The following SORL1 variants were observed in gnomAD, a reference collection of about 807,000 sequenced individuals.
SORL1 encodes sortilin related receptor 1.
Under a neutral mutation model 273.7 loss-of-function variants are expected in SORL1, and 127 were observed. That is an observed-to-expected ratio of 0.46 (90% CI 0.40 to 0.54). SORL1 has a LOEUF of 0.54. Ranked by LOEUF, SORL1 falls within the 20% of genes least tolerant of loss-of-function variation. The pLI is 0.00. For synonymous variants in SORL1, 1,031 were observed against 1,067.4 expected, an observed-to-expected ratio of 0.97 and a Z score of 0.66; for missense variants, 2,494 against 2,846.1, an observed-to-expected ratio of 0.88 and a Z score of 2.81.
chr11:121,588,007 G>A lies in SORL1; in HGVS notation c.3815-13G>A, dbSNP rs1437504109. 6.2e-7 allele frequency: 1 copy of A among 1,612,144 alleles called. No homozygotes were observed. Among genetic ancestry groups the A allele is most frequent in the Non-Finnish European group, 8.5e-7 (1 of 1,178,838 alleles). ...GTGCTCATGGCCTCTTCCCTTCTCT[G>A]GATCCCTTACAGAGCCCCTCTGTAC... On this transcript the variant is annotated splice_polypyrimidine_tract_variant and intron_variant, in intron 27 of 47. Transcript: ENST00000260197.
At chr11:121,598,530 G>A (rs2086542263) in intron 32 of SORL1, among the ~76,000 whole-genome samples, 1 of 152,176 alleles carries the variant, frequency 6.6e-6, no homozygotes, top group Non-Finnish European at 1.5e-5. Flanking sequence ...CTGAAAAGGG[G>A]AGGTCAGAAA....
At chr11:121,558,446 G>T in intron 19 of SORL1, 145 bp from the exon 20 acceptor site, 1 of 772,950 alleles carries the variant, frequency 1.3e-6, no homozygotes, top group South Asian at 1.7e-5. Flanking sequence ...GTAGTTTCAG[G>T]TGTTGTCATT....
chr11:121,510,036 G>T (rs1410736962), intron 6 of SORL1, among the ~76,000 whole-genome samples: 1 of 152,124 alleles, frequency 6.6e-6, no homozygotes, highest in Non-Finnish European at 1.5e-5. Context: ...TTCTGAAAAA[G>T]TAATAAATAC....
At chr11:121,515,212 A>G (rs1346623581) in intron 8 of SORL1, among the ~76,000 whole-genome samples, 1 of 152,256 alleles carries the variant, frequency 6.6e-6, no homozygotes, top group East Asian at 1.9e-4. Flanking sequence ...GCAATAAAAT[A>G]TCAGAACAAA....
chr11:121,463,613 T>C (rs1462141365), intron 1 of SORL1, among the ~76,000 whole-genome samples: 1 of 151,590 alleles, frequency 6.6e-6, no homozygotes, highest in Non-Finnish European at 1.5e-5. Flanking sequence ...TAAGTTCTAG[T>C]CCAAGGTTAT....
intron 26 of SORL1, 143 bp from the exon 27 acceptor site, chr11:121,586,079 G>A (rs1863100635): frequency 3.0e-6 from 2 of 661,746 alleles, no homozygotes; most frequent in African/African-American, 1.7e-5. Context: ...GGGTCAAAGT[G>A]TGTATACATT....
chr11:121,456,689 TC>T (rs1195654262), intron 1 of SORL1, among the ~76,000 whole-genome samples: 3 of 152,184 alleles, frequency 2.0e-5, no homozygotes, highest in Admixed American at 6.5e-5. Flanking sequence ...TGGGGAAAAA[TC>T]CTTTGGAATA....
intron 2 of SORL1, among the ~76,000 whole-genome samples, chr11:121,476,108 C>T (rs1030590294): frequency 1.3e-5 from 2 of 152,132 alleles, no homozygotes; most frequent in African/African-American, 4.8e-5. Flanking sequence ...GGGGGGTTAT[C>T]AAATTATGGG....
Position 121,583,278 on chromosome 11 carries a change from G to A in SORL1, c.3581-180G>A, listed in dbSNP as rs576509768. Among the ~76,000 whole-genome samples, 6 of 152,280 alleles carry A rather than the reference G, an allele frequency of 3.9e-5. No homozygotes were observed. The South Asian group carries it at 8.3e-4, about 21-fold the overall frequency. ...ATAAATCCATAGGCTCAAGTCCACC[G>A]AGGGAGCTGCCCAAGGTCAGCCCAA... On this transcript the variant is annotated intron_variant, in intron 25 of 47. Coordinates refer to ENST00000260197, the MANE Select transcript of SORL1 (RefSeq NM_003105.6).
In SORL1 at chr11:121,458,323, T is replaced by C. The variant is rs987085743; in HGVS notation, c.285+5707T>C. On this transcript the variant is annotated intron_variant, in intron 1 of 47. Transcript: ENST00000260197. ...TTAGAATTTGCGACAATAATTCAGA[T>C]GCAGATAATTGAGAGTTGATAAAAA... 5.3e-5 allele frequency among the ~76,000 whole-genome samples: 8 copies of C among 152,214 alleles called. 1 individual carries two copies. Among genetic ancestry groups the C allele is most frequent in the Admixed American group, 3.9e-4 (6 of 15,278 alleles).
intron 5 of SORL1, among the ~76,000 whole-genome samples, chr11:121,496,569 A>G (rs1861631983): frequency 6.6e-6 from 1 of 152,198 alleles, no homozygotes; most frequent in Non-Finnish European, 1.5e-5. Flanking sequence ...CTTGCTTATT[A>G]ATTTTGAAAC....
intron 6 of SORL1, among the ~76,000 whole-genome samples, chr11:121,503,303 T>A (rs974991290): frequency 6.6e-6 from 1 of 152,174 alleles, no homozygotes; most frequent in Non-Finnish European, 1.5e-5. Flanking sequence ...TTATGTAGTT[T>A]TAGTTCTTAC....
chr11:121,583,705 A>C, intron 26 of SORL1, 122 bp downstream of exon 26: 1 of 1,046,796 alleles, frequency 9.6e-7, no homozygotes, highest in Non-Finnish European at 1.3e-6. Context: ...ACACTCTGAA[A>C]CCAAATAAGC....
rs1192946466 is a variant in SORL1, at chr11:121,629,524, A to T, written c.6606A>T (p.Ile2202=). The T allele has an allele frequency of 2.5e-6, 4 of 1,591,920 alleles. No homozygotes were observed. The African/African-American group carries it at 5.4e-5, about 21-fold the overall frequency. ...LGEDDEDAPM[I]TGFSDDVPMV... The stretch of plus-strand genomic sequence containing the variant: ...AAGATGATGAAGATGCCCCTATGAT[A>T]ACTGGATTTTCAGATGACGTCCCCA... The change falls in exon 48 of 48, where the codon ATA becomes ATT. Residue 2202 remains isoleucine, a synonymous_variant. Coordinates refer to ENST00000260197, the MANE Select transcript of SORL1 (RefSeq NM_003105.6).
At chr11:121,515,794 G>A (rs890833242) in intron 8 of SORL1, among the ~76,000 whole-genome samples, 2 of 152,112 alleles carry the variant, frequency 1.3e-5, no homozygotes, top group Non-Finnish European at 2.9e-5. Flanking sequence ...TGGGATTACA[G>A]GTGTGCACCA....
chr11:121,471,491 C>T (rs1323035357), intron 2 of SORL1, among the ~76,000 whole-genome samples: 1 of 152,240 alleles, frequency 6.6e-6, no homozygotes, highest in African/African-American at 2.4e-5. Flanking sequence ...GCCCCTGCCT[C>T]AGCCTGGGGT....
chr11:121,532,748 C>T (rs1055610368), intron 12 of SORL1, among the ~76,000 whole-genome samples, 196 bp downstream of exon 12: 4 of 150,422 alleles, frequency 2.7e-5, no homozygotes, highest in African/African-American at 9.8e-5. Flanking sequence ...TACAATGGTG[C>T]GATCTCAGCT....
At chr11:121,518,718 G>C (rs1861989594) in intron 8 of SORL1, among the ~76,000 whole-genome samples, 2 of 152,146 alleles carry the variant, frequency 1.3e-5, no homozygotes, top group African/African-American at 4.8e-5. Context: ...ATTTCATTCG[G>C]CACTCTGCTC....
chr11:121,591,932 G>GT (rs1308244774), intron 31 of SORL1, among the ~76,000 whole-genome samples: 1 of 152,118 alleles, frequency 6.6e-6, no homozygotes, highest in Non-Finnish European at 1.5e-5. Context: ...CTGATTCTAT[G>GT]TTTTTTATAA....
Sources: allele counts gnomAD v4.1 joint callset (sites outside exome capture counted in the v4.1 genomes callset), GRCh38; gene constraint gnomAD v4.1.1; transcripts MANE v1.5; gene names NCBI Gene and HGNC (gene_info 2026-07-23, HGNC 2026-07-21).